Variants in SYT10 observed in about 807,000 individuals in gnomAD.
SYT10 encodes synaptotagmin-10.
Under a neutral mutation model 51.1 loss-of-function variants are expected in SYT10, and 31 were observed. That is an observed-to-expected ratio of 0.61 (90% CI 0.46 to 0.82). SYT10 has a LOEUF of 0.82. SYT10 is among the 40% of genes least tolerant of loss of function. The pLI is 0.00. For missense variants in SYT10, 603 were observed against 634.0 expected (o/e 0.95, Z 0.53); for synonymous variants, 233 against 225.9 (o/e 1.03, Z -0.28).
chr12:33,437,415 G>A (rs1281806708), intron 1 of SYT10, among the ~76,000 whole-genome samples: 1 of 152,214 alleles, frequency 6.6e-6, no homozygotes, highest in Non-Finnish European at 1.5e-5. Flanking sequence ...GCAGTGATTA[G>A]GAAAAACTGA....
intron 6 of SYT10, among the ~76,000 whole-genome samples, chr12:33,377,474 T>C (rs1866073201): frequency 6.6e-6 from 1 of 152,062 alleles, no homozygotes; most frequent in Admixed American, 6.6e-5. Flanking sequence ...TTTAAGGCAG[T>C]TAATGAGATG....
chr12:33,398,809 C>T (rs1276627894), intron 3 of SYT10, among the ~76,000 whole-genome samples: 1 of 152,038 alleles, frequency 6.6e-6, no homozygotes, highest in African/African-American at 2.4e-5. Flanking sequence ...GTTATTTAGT[C>T]CTAACAACAA....
chr12:33,395,933 A>G (rs960157274), intron 3 of SYT10, among the ~76,000 whole-genome samples: 1 of 152,204 alleles, frequency 6.6e-6, no homozygotes, highest in African/African-American at 2.4e-5. Context: ...TTCAGGGCGA[A>G]CAGCTGAACT....
At chr12:33,428,057 A>C (rs527802550) in intron 1 of SYT10, among the ~76,000 whole-genome samples, 1 of 152,228 alleles carries the variant, frequency 6.6e-6, no homozygotes, top group African/African-American at 2.4e-5. Flanking sequence ...AGAGCTATCC[A>C]TGTGAGAGAC....
chr12:33,387,066 CT>C (rs1034703056), intron 3 of SYT10, among the ~76,000 whole-genome samples: 57 of 152,160 alleles, frequency 3.7e-4, no homozygotes, highest in African/African-American at 1.3e-3. Flanking sequence ...GGCAGGTTTA[CT>C]TTTGGGGGAA....
chr12:33,437,491 G>T (rs1373430739), intron 1 of SYT10, among the ~76,000 whole-genome samples: 1 of 152,224 alleles, frequency 6.6e-6, no homozygotes, highest in African/African-American at 2.4e-5. Context: ...ATTTTGGACA[G>T]ATTTCAGAGC....
At position 33,439,476 on chromosome 12, in the gene SYT10, G is replaced by A. The variant is rs1400888065; in HGVS notation, c.47C>T (p.Ala16Val). The change falls in exon 1 of 7, where the codon GCT (alanine) becomes GTT (valine). Residue 16 changes from alanine (A) to valine (V), a missense_variant. Ala to Val is a moderately conservative substitution (Grantham distance 64). Coordinates refer to ENST00000228567, the MANE Select transcript of SYT10 (RefSeq NM_198992.4). ...GCACAGCTCGGTGACGATGTGCAGA[G>A]CCTTCTGGCACAGACTGTTCACTCC... ...EDGVNSLCQK[A>V]LHIVTELCFA... is the part of the protein sequence containing the mutation. 6.2e-7 allele frequency: 1 copy of A among 1,614,108 alleles called. No homozygotes were observed. Among genetic ancestry groups the A allele is most frequent in the African/African-American group, 1.3e-5 (1 of 74,952 alleles).
rs1258319039 is a variant in SYT10 at position 33,375,493 on chromosome 12, G to A, written c.*1337C>T. On this transcript the variant is annotated 3_prime_UTR_variant, in exon 7 of 7. Transcript: ENST00000228567. ...CTATACCACACATCTTAAAAGTAAG[G>A]TTGGGGTAATTCAGTATAGATACCT... The A allele has an allele frequency of 6.6e-6, 1 of 151,794 alleles. No individual in the cohort carries two copies. Among genetic ancestry groups the A allele is most frequent in the Non-Finnish European group, 1.5e-5 (1 of 67,908 alleles). 9.4% of individuals were successfully genotyped at this position (151,794 alleles called of 1,614,324 possible). A position where few individuals can be genotyped will look rare whatever the true frequency, so the allele number is the denominator to read the frequency against.
At chr12:33,428,184 G>A (rs1331348893) in intron 1 of SYT10, among the ~76,000 whole-genome samples, 10 of 152,180 alleles carry the variant, frequency 6.6e-5, no homozygotes, top group African/African-American at 2.4e-5. Flanking sequence ...AGTTTTGCTC[G>A]TACTGAGTTT....
rs1476711663 is a variant in SYT10, at chr12:33,406,842, A to G, written c.1024T>C (p.Ser342Pro). The part of the protein sequence containing the change: ...EVILDNLFEV[S>P]DLSREATVWK... ...ACTGTGGCTTCCCTGGAGAGATCAG[A>G]GACTTCAAACAAATTATCAAGAATC... Residue 342 changes from serine (S) to proline (P), a missense_variant, in exon 3 of 7, where the codon TCT becomes CCT. By Grantham distance (74) the Ser-to-Pro change is moderately conservative (BLOSUM62 -1). Transcript: ENST00000228567. 2 of 1,613,976 alleles carry G rather than the reference A, an allele frequency of 1.2e-6. No homozygotes were observed. The highest frequency in any genetic ancestry group is 1.7e-6 in the Non-Finnish European group (2 of 1,180,000).
At chr12:33,377,965 T>C (rs1866078736) in intron 6 of SYT10, among the ~76,000 whole-genome samples, 1 of 152,076 alleles carries the variant, frequency 6.6e-6, no homozygotes, top group Non-Finnish European at 1.5e-5. Context: ...TTAGTCTTTG[T>C]TGTACCAATG....
chr12:33,391,381 T>G (rs190989091), intron 3 of SYT10, among the ~76,000 whole-genome samples: 90 of 152,224 alleles, frequency 5.9e-4, no homozygotes, highest in Admixed American at 5.8e-3. Flanking sequence ...GGTGACAATG[T>G]AAATGATGAA....
chr12:33,429,669 C>T (rs769611912), intron 1 of SYT10, among the ~76,000 whole-genome samples: 4 of 152,018 alleles, frequency 2.6e-5, no homozygotes, highest in East Asian at 1.9e-4. Context: ...ATAAGTATGA[C>T]GTCATACTTA....
At chr12:33,409,492 C>A (rs1866387248) in intron 2 of SYT10, among the ~76,000 whole-genome samples, 1 of 150,230 alleles carries the variant, frequency 6.7e-6, no homozygotes, top group Non-Finnish European at 1.5e-5. Context: ...GCTGGGATTA[C>A]AGGCGTGAGA....
intron 5 of SYT10, among the ~76,000 whole-genome samples, chr12:33,381,218 C>G (rs1866112085): frequency 6.6e-6 from 1 of 152,134 alleles, no homozygotes; most frequent in Admixed American, 6.5e-5. Context: ...ATAGTAGTCA[C>G]AAGTTAAAAT....
At chr12:33,377,491 G>A (rs1339157794) in intron 6 of SYT10, among the ~76,000 whole-genome samples, 1 of 152,128 alleles carries the variant, frequency 6.6e-6, no homozygotes, top group Admixed American at 6.6e-5. Flanking sequence ...GATGAGAACT[G>A]CGTTTGGCAG....
intron 3 of SYT10, among the ~76,000 whole-genome samples, chr12:33,403,057 G>T (rs1195391772): frequency 6.6e-6 from 1 of 151,748 alleles, no homozygotes. Flanking sequence ...CTTTTCCCCA[G>T]TAAATTTTGG....
At chr12:33,423,238 G>C (rs1431299641) in intron 2 of SYT10, among the ~76,000 whole-genome samples, 1 of 152,016 alleles carries the variant, frequency 6.6e-6, no homozygotes, top group Non-Finnish European at 1.5e-5. Flanking sequence ...TTATAAAGGA[G>C]TCCCAACAGA....
intron 6 of SYT10, among the ~76,000 whole-genome samples, chr12:33,379,569 AAAAAAAAAAAAG>A (rs1866095481): frequency 1.4e-5 from 2 of 146,532 alleles, no homozygotes; most frequent in Non-Finnish European, 3.0e-5. Flanking sequence ...AAAAAAAAAA[AAAAAAAAAAAAG>A]AGACTTGCAA....
Sources: allele counts gnomAD v4.1 joint callset (sites outside exome capture counted in the v4.1 genomes callset), GRCh38; gene constraint gnomAD v4.1.1; transcripts MANE v1.5; gene names NCBI Gene and HGNC (gene_info 2026-07-23, HGNC 2026-07-21).